ZBTB48: variants seen among roughly 807,000 people sequenced by gnomAD.
ZBTB48 encodes zinc finger and BTB domain containing 48.
In ZBTB48, 35 loss-of-function variants were observed where a neutral mutation model predicts 64.5. The ratio of observed to expected loss-of-function variants is 0.54; its 90% CI spans 0.41 to 0.72. The LOEUF is 0.72. Ranked by LOEUF, ZBTB48 falls within the 30% of genes least tolerant of loss-of-function variation. The pLI is 0.00. For missense variants in ZBTB48, 828 were observed against 895.3 expected (o/e 0.92, Z 0.96); for synonymous variants, 442 against 356.7 (o/e 1.24, Z -2.70).
chr1:6,582,339 A>G, intron 3 of ZBTB48, 40 bp downstream of exon 3: 1 of 1,593,754 alleles, frequency 6.3e-7, no homozygotes, highest in Non-Finnish European at 8.6e-7. Flanking sequence ...CCTGTCTGCC[A>G]TTCCCACGTT....
At position 6,588,763 on chromosome 1, in the gene ZBTB48, G is replaced by T; in HGVS notation, c.1689G>T (p.Glu563Asp). The stretch of plus-strand genomic sequence containing the variant: ...GTGTTCTCCCTCTTGCAGCCGTGGA[G>T]CAACTGCGTGTGCACGTCAGACGGC... ...QICGKTFKAV[E>D]QLRVHVRRHK... The change falls in exon 10 of 11, where the codon GAG becomes GAT. Residue 563 changes from glutamate (E) to aspartate (D), a missense_variant. Glu to Asp is a conservative substitution (Grantham distance 45). Coordinates refer to ENST00000377674, the MANE Select transcript of ZBTB48 (RefSeq NM_005341.4). 1 of 1,614,124 alleles carries T rather than the reference G, an allele frequency of 6.2e-7. No homozygotes were observed. Among genetic ancestry groups the T allele is most frequent in the Non-Finnish European group, 8.5e-7 (1 of 1,180,050 alleles).
Position 6,587,011 on chromosome 1 carries a change from G to A in ZBTB48, c.1138-194G>A, listed in dbSNP as rs1640696281. On this transcript the variant is annotated intron_variant, in intron 5 of 10. Coordinates refer to ENST00000377674, the MANE Select transcript of ZBTB48 (RefSeq NM_005341.4). ...TAGGCCCTTGTTTCTTTCCATGGAG[G>A]ACAGGCTTGGCATCCTCTGGGCAGC... 12 of 853,368 alleles carry A rather than the reference G, an allele frequency of 1.4e-5. No homozygotes were observed. In the South Asian group the frequency reaches 1.7e-4, roughly 12 times the overall value. The allele number at this position is 853,368 out of a possible 1,614,324, so 52.9% of individuals were successfully genotyped here.
At chr1:6,586,173 G>A (rs1640659989) in intron 4 of ZBTB48, 143 bp downstream of exon 4, 17 of 799,358 alleles carry the variant, frequency 2.1e-5, no homozygotes, top group Non-Finnish European at 8.3e-6. Context: ...ATGTCATGAG[G>A]TCCATGCCCT....
In ZBTB48 at chr1:6,586,009, T is replaced by C. The variant is rs1001886888; in HGVS notation, c.1023T>C (p.Asn341=). The C allele has an allele frequency of 9.3e-6, 15 of 1,614,098 alleles. No homozygotes were observed. The highest frequency in any genetic ancestry group is 1.3e-5 in the African/African-American group (1 of 75,046). ...KENLLEHEAR[N]CMNRSEQVFT... is the part of the protein sequence containing the mutation. ...ACCTCCTGGAGCATGAAGCCCGGAA[T>C]TGCATGAACCGCTCGGAACAGGTAC... Residue 341 remains asparagine, a synonymous_variant, in exon 4 of 11, where the codon AAT becomes AAC. Transcript: ENST00000377674.
At chr1:6,586,832 G>T in intron 5 of ZBTB48, 45 bp downstream of exon 5, 1 of 1,582,504 alleles carries the variant, frequency 6.3e-7, no homozygotes, top group Middle Eastern at 1.7e-4. Context: ...GTGGCCCCAG[G>T]ATCCTTCCTG....
At chr1:6,587,060 C>T (rs1429086624) in intron 5 of ZBTB48, 145 bp from the exon 6 acceptor site, 2 of 973,070 alleles carry the variant, frequency 2.1e-6, no homozygotes, top group Non-Finnish European at 3.2e-6. Flanking sequence ...CCCTCCTTTG[C>T]ACCATCCTTC....
intron 3 of ZBTB48, 38 bp from the exon 4 acceptor site, chr1:6,585,881 C>T: frequency 1.2e-6 from 2 of 1,601,646 alleles, no homozygotes; most frequent in Non-Finnish European, 1.7e-6. Context: ...GATGGGAAAC[C>T]CTCTCAGCCC....
In ZBTB48 at chr1:6,580,922, C is replaced by G. The variant is rs1232956433; in HGVS notation, c.313C>G (p.Pro105Ala). Residue 105 changes from proline (P) to alanine (A), a missense_variant, in exon 2 of 11, where the codon CCA becomes GCA. By Grantham distance (27) the Pro-to-Ala change is conservative. Transcript: ENST00000377674. This position sits in a 1 kb window ranked among gnomAD's most constrained non-coding sequence, Gnocchi z 5.2. Reference sequence around the variant, plus strand: ...CCTGGCAGCCAGGGAGTTGCGAGTGCCAGAGGCCGTAGAGCTGTGCCAGAG... The same window carrying G: ...CCTGGCAGCCAGGGAGTTGCGAGTGGCAGAGGCCGTAGAGCTGTGCCAGAG... ...VLLAARELRVPEAVELCQSFK... is the reference protein window; with the variant it reads ...VLLAARELRVAEAVELCQSFK... 1.2e-6 allele frequency: 2 copies of G among 1,613,916 alleles called. No homozygotes were observed. Among genetic ancestry groups the G allele is most frequent in the Non-Finnish European group, 1.7e-6 (2 of 1,180,046 alleles).
Position 6,587,274 on chromosome 1 carries a change from G to C in ZBTB48, c.1207G>C (p.Ala403Pro). 2 of 1,614,058 alleles carry C rather than the reference G, an allele frequency of 1.2e-6. No homozygotes were observed. The highest frequency in any genetic ancestry group is 1.7e-6 in the Non-Finnish European group (2 of 1,180,030). ...LQSHMIKLHG[A>P]PKPHACPTCA... is the part of the protein sequence containing the mutation. ...GAGCCACATGATCAAACTTCATGGA[G>C]CCCCCAAGCCCCATGCAGTAAGTGA... is the stretch of plus-strand genomic sequence containing the variant. Residue 403 changes from alanine to proline, a missense_variant, in exon 6 of 11, where the codon GCC (alanine) becomes CCC (proline). By Grantham distance (27) the Ala-to-Pro change is conservative. Transcript: ENST00000377674.
chr1:6,589,010 AGAT>A lies in ZBTB48; in HGVS notation c.1867_1869del (p.Met623del). ...CGCAACCTGATCATCGAGGACGAGA[AGAT>A]GGTGGTGGTGGCGCTGCAGCCGCCT... On this transcript the variant is annotated inframe_deletion, in exon 11 of 11. Transcript: ENST00000377674. The A allele has an allele frequency of 6.3e-7, 1 of 1,596,948 alleles. No homozygotes were observed. Among genetic ancestry groups the A allele is most frequent in the Non-Finnish European group, 8.5e-7 (1 of 1,170,020 alleles).
Position 6,582,132 on chromosome 1 carries a change from G to A in ZBTB48, c.765G>A (p.Arg255=). The change falls in exon 3 of 11, where the codon AGG becomes AGA. Residue 255 remains arginine (R), a synonymous_variant. Transcript: ENST00000377674. ...YMSEPEAVLT[R]RKSNVIRKPC... The stretch of plus-strand genomic sequence containing the variant: ...CTGAGCCTGAGGCTGTGCTGACCAG[G>A]AGGAAGTCAAATGTAATCCGAAAGC... 1 of 1,614,196 alleles carries A rather than the reference G, an allele frequency of 6.2e-7. No individual in the cohort carries two copies.
intron 3 of ZBTB48, among the ~76,000 whole-genome samples, chr1:6,582,828 T>A (rs1252093711): frequency 6.6e-6 from 1 of 152,218 alleles, no homozygotes; most frequent in Non-Finnish European, 1.5e-5. Flanking sequence ...CAGGAGCTAT[T>A]ACAATTTTTA....
chr1:6,581,378 C>G (rs1429860289), intron 2 of ZBTB48, 79 bp downstream of exon 2: 2 of 1,421,586 alleles, frequency 1.4e-6, no homozygotes, highest in Non-Finnish European at 1.9e-6. Flanking sequence ...GGACCCTGGG[C>G]TGGGTGTGAT....
Position 6,585,954 on chromosome 1 carries a change from A to C in ZBTB48, c.968A>C (p.Lys323Thr). Reference sequence around the variant, plus strand: ...GGGGAGAAACCCTTTGAGTGTCCCAAATGTGGGAAGTGTTACTTTCGGAAG... The same window carrying C: ...GGGGAGAAACCCTTTGAGTGTCCCACATGTGGGAAGTGTTACTTTCGGAAG... ...HTGEKPFECP[K>T]CGKCYFRKEN... Residue 323 changes from lysine to threonine, a missense_variant, in exon 4 of 11, where the codon AAA becomes ACA. Transcript: ENST00000377674. 3.1e-6 allele frequency: 5 copies of C among 1,614,118 alleles called. No individual in the cohort carries two copies. The highest frequency in any genetic ancestry group is 2.2e-5 in the South Asian group (2 of 91,090).
Position 6,581,196 on chromosome 1 carries a change from C to A in ZBTB48, c.587C>A (p.Ala196Asp), listed in dbSNP as rs1191980049. The A allele has an allele frequency of 6.2e-6, 10 of 1,613,256 alleles. No individual in the cohort carries two copies. The highest frequency in any genetic ancestry group is 8.5e-6 in the Non-Finnish European group (10 of 1,180,024). ...PSSLCGKLKQ[A>D]LKPCPLEDKK... Reference sequence around the variant, plus strand: ...TCCCTCTGTGGGAAACTGAAGCAGGCCTTGAAGCCTTGTCCCCTTGAGGAC... The same window carrying A: ...TCCCTCTGTGGGAAACTGAAGCAGGACTTGAAGCCTTGTCCCCTTGAGGAC... The change falls in exon 2 of 11, where the codon GCC becomes GAC. Residue 196 changes from alanine to aspartate, a missense_variant. Transcript: ENST00000377674.
At chr1:6,585,664 T>C in intron 3 of ZBTB48, 1 of 499,996 alleles carries the variant, frequency 2.0e-6, no homozygotes, top group Non-Finnish European at 3.6e-6. Context: ...TGCGGTCAGC[T>C]GGGCCTCCCT....
Position 6,584,224 on chromosome 1 carries a change from A to G in ZBTB48, c.933-1695A>G, listed in dbSNP as rs1442659652. 6.6e-6 allele frequency among the ~76,000 whole-genome samples: 1 copy of G among 152,268 alleles called. No individual in the cohort carries two copies. Among genetic ancestry groups the G allele is most frequent in the Non-Finnish European group, 1.5e-5 (1 of 68,044 alleles). On this transcript the variant is annotated intron_variant, in intron 3 of 10. Transcript: ENST00000377674. The surrounding 1 kb of genome is among the most constrained non-coding windows in gnomAD (Gnocchi z 4.5). ...CCACCGTGCCCAGCCCCCAGGGACT[A>G]TTTTAACTTAAAATTTAAAATTAAA...
At chr1:6,583,604 T>G (rs1031214959) in intron 3 of ZBTB48, among the ~76,000 whole-genome samples, 1,477 of 134,300 alleles carry the variant, frequency 0.011, 15 homozygotes, top group South Asian at 0.021. Context: ...CAGCCTGTTA[T>G]TTTTTTTTTT....
Position 6,586,730 on chromosome 1 carries a change from C to T in ZBTB48, c.1080C>T (p.Arg360=). 5 of 1,581,872 alleles carry T rather than the reference C, an allele frequency of 3.2e-6. No homozygotes were observed. Among genetic ancestry groups the T allele is most frequent in the Non-Finnish European group, 4.3e-6 (5 of 1,162,686 alleles). ...GCTCTGTGTGCCAGGAGACATTCCG[C>T]CGAAGGATGGAGCTGCGGGTGCACA... is the stretch of plus-strand genomic sequence containing the variant. ...FTCSVCQETF[R]RRMELRVHMV... is the part of the protein sequence containing the mutation. Residue 360 remains arginine, a synonymous_variant, in exon 5 of 11, where the codon CGC becomes CGT. Transcript: ENST00000377674.
Sources: gnomAD v4.1 joint callset for allele counts (sites outside exome capture counted in the v4.1 genomes callset) on GRCh38, gnomAD v4.1.1 for gene constraint, Gnocchi (gnomAD v3.1) non-coding constraint, MANE v1.5 for transcripts, NCBI Gene and HGNC (gene_info 2026-07-23, HGNC 2026-07-21) for gene names.